RABGAP1L: variants seen among roughly 807,000 people sequenced by gnomAD.
The protein encoded by RABGAP1L is rab GTPase-activating protein 1-like.
In RABGAP1L, 63 loss-of-function variants were observed where a neutral mutation model predicts 137.7. The ratio of observed to expected loss-of-function variants is 0.46; its 90% CI spans 0.37 to 0.56. The LOEUF (loss-of-function observed/expected upper bound fraction) is 0.56, where lower values mean the gene tolerates loss of function less well. Ranked by LOEUF, RABGAP1L falls within the 20% of genes least tolerant of loss-of-function variation. RABGAP1L has a pLI of 0.00. For missense variants in RABGAP1L, 1,095 were observed against 1,244.0 expected (o/e 0.88, Z 1.80); for synonymous variants, 431 against 433.7 (o/e 0.99, Z 0.08).
intron 13 of RABGAP1L, among the ~76,000 whole-genome samples, chr1:174,411,981 A>G (rs1186572567): frequency 6.6e-6 from 1 of 152,078 alleles, no homozygotes; most frequent in Non-Finnish European, 1.5e-5. Context: ...TATCCCGTAG[A>G]TGTTTATTAA....
intron 21 of RABGAP1L, among the ~76,000 whole-genome samples, chr1:174,975,228 CAAAT>C (rs1343333333): frequency 6.6e-6 from 1 of 152,184 alleles, no homozygotes; most frequent in Non-Finnish European, 1.5e-5. Flanking sequence ...GTGGGCAAGA[CAAAT>C]AAATCCCATG....
chr1:174,358,149 CT>C (rs554396896), intron 11 of RABGAP1L, among the ~76,000 whole-genome samples: 82 of 146,104 alleles, frequency 5.6e-4, no homozygotes, highest in South Asian at 8.7e-4. Flanking sequence ...GGAAAAGAGA[CT>C]TTTTTTTTTT....
intron 13 of RABGAP1L, among the ~76,000 whole-genome samples, chr1:174,405,663 C>T (rs1649174849): frequency 6.6e-6 from 1 of 152,028 alleles, no homozygotes; most frequent in African/African-American, 2.4e-5. Context: ...TATGTAGGTA[C>T]TGGAAAGTCT....
At chr1:174,805,351 TGCAAATGAA>T (rs1353257430) in intron 18 of RABGAP1L, among the ~76,000 whole-genome samples, 1 of 152,224 alleles carries the variant, frequency 6.6e-6, no homozygotes, top group East Asian at 1.9e-4. Flanking sequence ...TATAGTTCTA[TGCAAATGAA>T]GAAAGAAGTA....
At chr1:174,360,863 T>A (rs966731326) in intron 11 of RABGAP1L, among the ~76,000 whole-genome samples, 12 of 152,322 alleles carry the variant, frequency 7.9e-5, no homozygotes, top group East Asian at 1.9e-4. Context: ...ATTTATTTTT[T>A]AAAAATGTTT....
intron 17 of RABGAP1L, among the ~76,000 whole-genome samples, chr1:174,738,273 A>T (rs1199270226): frequency 6.6e-6 from 1 of 152,188 alleles, no homozygotes; most frequent in Admixed American, 6.5e-5. Flanking sequence ...GTAATCAGAA[A>T]GACACTTCAC....
At chr1:174,650,098 G>A (rs967235985) in intron 14 of RABGAP1L, among the ~76,000 whole-genome samples, 1 of 152,084 alleles carries the variant, frequency 6.6e-6, no homozygotes, top group Non-Finnish European at 1.5e-5. Flanking sequence ...TAATCATGTG[G>A]TTTTTATCTT....
At chr1:174,322,146 C>T (rs1680052964) in intron 11 of RABGAP1L, among the ~76,000 whole-genome samples, 1 of 152,056 alleles carries the variant, frequency 6.6e-6, no homozygotes, top group Non-Finnish European at 1.5e-5. Context: ...CGTAATAAAT[C>T]CTTGCCTAAC....
chr1:174,394,940 C>T (rs1647635186), intron 13 of RABGAP1L, among the ~76,000 whole-genome samples: 1 of 143,764 alleles, frequency 7.0e-6, no homozygotes, highest in Non-Finnish European at 1.5e-5. Flanking sequence ...ATTATCACTG[C>T]TGAATTCAGT....
At chr1:174,173,208 G>A (rs978827498) in intron 1 of RABGAP1L, among the ~76,000 whole-genome samples, 2 of 150,888 alleles carry the variant, frequency 1.3e-5, no homozygotes, top group Non-Finnish European at 2.9e-5. Flanking sequence ...TCGGTTCACC[G>A]TAACCTCTGC....
At chr1:174,538,725 A>G (rs1665100067) in intron 13 of RABGAP1L, among the ~76,000 whole-genome samples, 1 of 152,190 alleles carries the variant, frequency 6.6e-6, no homozygotes, top group Non-Finnish European at 1.5e-5. Context: ...TATGAAACCC[A>G]TTATAGAATT....
chr1:174,218,062 G>T (rs746114608), intron 1 of RABGAP1L, among the ~76,000 whole-genome samples: 27 of 152,050 alleles, frequency 1.8e-4, no homozygotes, highest in Admixed American at 5.9e-4. Context: ...TGCTTGTCCT[G>T]CCCCTCTATC....
chr1:174,328,184 C>T (rs1373154027), intron 11 of RABGAP1L, among the ~76,000 whole-genome samples: 1 of 151,606 alleles, frequency 6.6e-6, no homozygotes, highest in East Asian at 1.9e-4. Context: ...AAACTGTACT[C>T]TATACCCAAT....
intron 11 of RABGAP1L, among the ~76,000 whole-genome samples, chr1:174,349,939 G>C (rs1368309108): frequency 2.9e-5 from 4 of 138,526 alleles, no homozygotes; most frequent in South Asian, 2.4e-4. Context: ...TCCCGGACGG[G>C]GCGGCTGGCC....
At chr1:174,187,183 A>G (rs556955521) in intron 1 of RABGAP1L, among the ~76,000 whole-genome samples, 3 of 152,064 alleles carry the variant, frequency 2.0e-5, no homozygotes, top group African/African-American at 7.2e-5. Context: ...TAAATATTAG[A>G]TAATATTCCA....
At chr1:174,393,904 C>A in intron 12 of RABGAP1L, 91 bp from the exon 13 acceptor site, 1 of 1,414,206 alleles carries the variant, frequency 7.1e-7, no homozygotes, top group Non-Finnish European at 9.6e-7. Flanking sequence ...CCCAAGCTTA[C>A]ACTTTTATAT....
At chr1:174,399,820 C>T (rs1263865073) in intron 13 of RABGAP1L, among the ~76,000 whole-genome samples, 1 of 152,110 alleles carries the variant, frequency 6.6e-6, no homozygotes, top group Non-Finnish European at 1.5e-5. Flanking sequence ...AACTCATTAT[C>T]ACGAGAACAC....
chr1:174,321,236 A>G (rs1679944470), intron 11 of RABGAP1L, among the ~76,000 whole-genome samples: 1 of 152,218 alleles, frequency 6.6e-6, no homozygotes, highest in Non-Finnish European at 1.5e-5. Context: ...ATAAGATGTT[A>G]TCAATGACAA....
At chr1:174,538,889 A>T (rs535935735) in intron 13 of RABGAP1L, among the ~76,000 whole-genome samples, 4 of 152,316 alleles carry the variant, frequency 2.6e-5, no homozygotes, top group Non-Finnish European at 4.4e-5. Context: ...ATAGTAGGCT[A>T]TGGTAAATTT....
Sources: gnomAD v4.1 joint callset for allele counts (sites outside exome capture counted in the v4.1 genomes callset) on GRCh38, gnomAD v4.1.1 for gene constraint, MANE v1.5 for transcripts, NCBI Gene and HGNC (gene_info 2026-07-23, HGNC 2026-07-21) for gene names.